Variants in GRM7 observed in about 807,000 individuals in gnomAD.
GRM7 encodes metabotropic glutamate receptor 7.
Under a neutral mutation model 84.5 loss-of-function variants are expected in GRM7, and 35 were observed. The ratio of observed to expected loss-of-function variants is 0.41; its 90% CI spans 0.32 to 0.55. The LOEUF is 0.55. Among genes scored for constraint, GRM7 ranks in the 20% least tolerant of loss-of-function variants. The pLI is 0.19. For missense variants in GRM7, 1,003 were observed against 1,194.6 expected (o/e 0.84, Z 2.36); for synonymous variants, 487 against 455.1 (o/e 1.07, Z -0.89).
intron 4 of GRM7, among the ~76,000 whole-genome samples, chr3:7,369,041 A>C (rs929677023): frequency 3.9e-5 from 6 of 151,936 alleles, no homozygotes; most frequent in African/African-American, 1.5e-4. Context: ...TCTATGGCAC[A>C]TCACAACCTG....
intron 4 of GRM7, among the ~76,000 whole-genome samples, chr3:7,386,758 G>A (rs371215278): frequency 1.3e-5 from 2 of 152,218 alleles, no homozygotes; most frequent in African/African-American, 2.4e-5. Flanking sequence ...TGGGTTGAAC[G>A]ATTTATTTTC....
intron 7 of GRM7, among the ~76,000 whole-genome samples, chr3:7,551,080 A>G (rs544683966): frequency 1.3e-5 from 2 of 152,316 alleles, no homozygotes; most frequent in East Asian, 3.9e-4. Flanking sequence ...TCAATTTTTC[A>G]AATTTCTGCA....
At chr3:7,635,815 A>C (rs952548397) in intron 8 of GRM7, among the ~76,000 whole-genome samples, 1 of 152,120 alleles carries the variant, frequency 6.6e-6, no homozygotes, top group Admixed American at 6.5e-5. Flanking sequence ...CTGGGACTAC[A>C]GACATATGCC....
intron 1 of GRM7, among the ~76,000 whole-genome samples, chr3:7,090,918 A>G (rs2125008536): frequency 6.6e-6 from 1 of 152,282 alleles, no homozygotes; most frequent in Admixed American, 6.5e-5. Context: ...AGAGCTTTTT[A>G]AAAACAGCCA....
intron 9 of GRM7, chr3:7,686,595 T>C (rs978019196): frequency 1.9e-5 from 11 of 592,636 alleles, no homozygotes; most frequent in African/African-American, 1.5e-4. Context: ...TTGATAAGCT[T>C]AGTGCCAGCA....
intron 1 of GRM7, among the ~76,000 whole-genome samples, chr3:7,031,944 C>T (rs1049369773): frequency 6.6e-6 from 1 of 152,042 alleles, no homozygotes; most frequent in African/African-American, 2.4e-5. Context: ...AGTCTTCTGA[C>T]CTGTGCCCTA....
At chr3:6,871,926 T>G (rs765800070) in intron 1 of GRM7, among the ~76,000 whole-genome samples, 2 of 151,794 alleles carry the variant, frequency 1.3e-5, no homozygotes, top group Non-Finnish European at 2.9e-5. Flanking sequence ...AAATTAAGAT[T>G]AAAAAAAATC....
intron 2 of GRM7, among the ~76,000 whole-genome samples, chr3:7,249,068 C>T (rs1049616930): frequency 2.0e-5 from 3 of 152,074 alleles, no homozygotes; most frequent in Non-Finnish European, 4.4e-5. Context: ...CACATATAAT[C>T]TTCTAGAAGT....
chr3:7,332,426 T>C (rs1197081558), intron 4 of GRM7, among the ~76,000 whole-genome samples: 2 of 152,204 alleles, frequency 1.3e-5, no homozygotes, highest in African/African-American at 4.8e-5. Flanking sequence ...CAATGAAATA[T>C]ATTCACCATA....
At chr3:6,935,862 A>G (rs1342503013) in intron 1 of GRM7, among the ~76,000 whole-genome samples, 1 of 151,802 alleles carries the variant, frequency 6.6e-6, no homozygotes, top group Non-Finnish European at 1.5e-5. Context: ...CGCACGGCTA[A>G]TTTTTGTATT....
chr3:7,134,182 G>A (rs958407328), intron 1 of GRM7, among the ~76,000 whole-genome samples: 71 of 152,096 alleles, frequency 4.7e-4, no homozygotes, highest in African/African-American at 1.6e-3. Flanking sequence ...ATTTTTCTGG[G>A]TAGAGAAACA....
intron 4 of GRM7, among the ~76,000 whole-genome samples, chr3:7,412,671 GA>G (rs1695991984): frequency 6.6e-6 from 1 of 152,078 alleles, no homozygotes; most frequent in African/African-American, 2.4e-5. Flanking sequence ...AAGATTACAG[GA>G]ATATTGCTCA....
chr3:7,679,113 T>C (rs1700254078), intron 8 of GRM7, among the ~76,000 whole-genome samples: 1 of 152,120 alleles, frequency 6.6e-6, no homozygotes, highest in South Asian at 2.1e-4. Context: ...GAAGCTGGCC[T>C]AGACTTGAGG....
At chr3:7,008,073 A>G (rs1431322726) in intron 1 of GRM7, among the ~76,000 whole-genome samples, 1 of 152,016 alleles carries the variant, frequency 6.6e-6, no homozygotes, top group African/African-American at 2.4e-5. Flanking sequence ...GACTCCCTAC[A>G]CTGTTTATTT....
chr3:7,520,634 G>C (rs1008162380), intron 7 of GRM7, among the ~76,000 whole-genome samples: 2 of 152,074 alleles, frequency 1.3e-5, no homozygotes. Context: ...ATTTTGTAAG[G>C]TGGATCAGGG....
chr3:7,427,351 G>A (rs182424730), intron 5 of GRM7, among the ~76,000 whole-genome samples: 2 of 152,176 alleles, frequency 1.3e-5, no homozygotes, highest in East Asian at 3.9e-4. Flanking sequence ...ATGCTCTTAT[G>A]CTCTTATGTT....
At chr3:7,103,286 C>T (rs529217448) in intron 1 of GRM7, among the ~76,000 whole-genome samples, 1 of 151,748 alleles carries the variant, frequency 6.6e-6, no homozygotes, top group African/African-American at 2.4e-5. Flanking sequence ...GAGAGTGAGA[C>T]CTTAGTATTT....
chr3:7,315,370 A>C (rs962112073), intron 4 of GRM7, among the ~76,000 whole-genome samples: 2 of 152,180 alleles, frequency 1.3e-5, no homozygotes, highest in African/African-American at 4.8e-5. Context: ...TCATTTTTCA[A>C]AAGAACTCTT....
Position 6,938,578 on chromosome 3 carries a change from G to A in GRM7, c.519+76671G>A, listed in dbSNP as rs990172461. Among the ~76,000 whole-genome samples the A allele has an allele frequency of 2.6e-5, 4 of 152,214 alleles. No individual in the cohort carries two copies. The East Asian group carries it at 7.7e-4, about 29-fold the overall frequency. On this transcript the variant is annotated intron_variant, in intron 1 of 9. Coordinates refer to ENST00000357716, the MANE Select transcript of GRM7 (RefSeq NM_000844.4). ...TTAAAAATAATAAGACAGCTTAAGA[G>A]AGACAGGCATTGACACCATTGACAA...
Sources: gnomAD v4.1 joint callset for allele counts (sites outside exome capture counted in the v4.1 genomes callset) on GRCh38, gnomAD v4.1.1 for gene constraint, MANE v1.5 for transcripts, NCBI Gene and HGNC (gene_info 2026-07-23, HGNC 2026-07-21) for gene names.